The following ARHGEF3 variants were observed in gnomAD, a reference collection of about 807,000 sequenced individuals.
ARHGEF3 encodes the protein Rho guanine nucleotide exchange factor 3.
ARHGEF3 carries 28 observed loss-of-function variants against 63.2 expected under a neutral mutation model. The ratio of observed to expected loss-of-function variants is 0.44; its 90% CI spans 0.33 to 0.61. The LOEUF (loss-of-function observed/expected upper bound fraction) is 0.61. Among genes scored for constraint, ARHGEF3 ranks in the 20% least tolerant of loss-of-function variants. ARHGEF3 has a pLI of 0.03. For missense variants in ARHGEF3, 533 were observed against 659.3 expected (o/e 0.81, Z 2.10); for synonymous variants, 266 against 254.2 (o/e 1.05, Z -0.44).
Position 56,969,426 on chromosome 3 carries a change from C to A in ARHGEF3, c.63-10537G>T, listed in dbSNP as rs147729839. Among the ~76,000 whole-genome samples the A allele has an allele frequency of 2.7e-3, 412 of 152,146 alleles. 2 individuals carry two copies. Among genetic ancestry groups the A allele is most frequent in the African/African-American group, 9.6e-3 (399 of 41,498 alleles). ...AATTTTTCATATATTCAGGACATAG[C>A]ATGTAGCAATGTGTCTGGCACATGG... On this transcript the variant is annotated intron_variant, in intron 2 of 12. Coordinates refer to the ARHGEF3 transcript ENST00000338458.
chr3:56,955,288 T>TG (rs1469975312), intron 3 of ARHGEF3, among the ~76,000 whole-genome samples: 1 of 151,908 alleles, frequency 6.6e-6, no homozygotes, highest in African/African-American at 2.4e-5. Context: ...CTTAAACTCC[T>TG]GGGCTCAAGT....
chr3:56,868,020 T>C (rs1441568660), intron 4 of ARHGEF3, among the ~76,000 whole-genome samples: 1 of 152,142 alleles, frequency 6.6e-6, no homozygotes, highest in Non-Finnish European at 1.5e-5. Flanking sequence ...AGCAAAGGCA[T>C]TTTGTTAAAT....
chr3:57,011,936 G>A (rs372428665), intron 2 of ARHGEF3, among the ~76,000 whole-genome samples: 84 of 152,270 alleles, frequency 5.5e-4, no homozygotes, highest in African/African-American at 1.9e-3. Flanking sequence ...GGTCTGGTTA[G>A]GTGGAAGAAT....
intron 3 of ARHGEF3, among the ~76,000 whole-genome samples, chr3:56,889,178 C>T (rs542690200): frequency 2.6e-5 from 4 of 152,224 alleles, no homozygotes; most frequent in Admixed American, 1.3e-4. Context: ...GGTTGGCTAC[C>T]TTCTGATATC....
At chr3:57,052,759 C>T (rs1704729057) in intron 1 of ARHGEF3, among the ~76,000 whole-genome samples, 1 of 152,206 alleles carries the variant, frequency 6.6e-6, no homozygotes, top group Non-Finnish European at 1.5e-5. Flanking sequence ...CCCAAGGCAG[C>T]CAGCACACAG....
chr3:56,899,053 A>C (rs529051571), intron 3 of ARHGEF3, among the ~76,000 whole-genome samples: 2 of 152,304 alleles, frequency 1.3e-5, no homozygotes, highest in African/African-American at 4.8e-5. Context: ...ACTCCGTCCC[A>C]AAAACAAAAA....
intron 2 of ARHGEF3, among the ~76,000 whole-genome samples, chr3:56,756,105 C>A (rs767618908): frequency 3.3e-5 from 5 of 152,212 alleles, no homozygotes; most frequent in Admixed American, 6.5e-5. Flanking sequence ...AAAGAGGCCG[C>A]AGAAGTCCAC....
intron 4 of ARHGEF3, among the ~76,000 whole-genome samples, chr3:56,840,455 T>C (rs2039274057): frequency 6.6e-6 from 1 of 152,226 alleles, no homozygotes; most frequent in Admixed American, 6.5e-5. Flanking sequence ...TATGCTCCCA[T>C]AAAATGTCTG....
Position 57,006,945 on chromosome 3 carries a change from C to T in ARHGEF3, c.62+28143G>A, listed in dbSNP as rs573504375. On this transcript the variant is annotated intron_variant, in intron 2 of 12. Coordinates refer to the ARHGEF3 transcript ENST00000338458. ...GATCTTTAAGCCCAAAACTCCTGAC[C>T]CAACATCCAAGTGATATTCCACTGA... Among the ~76,000 whole-genome samples, 127 of 152,240 alleles carry T rather than the reference C, an allele frequency of 8.3e-4. No individual in the cohort carries two copies. The Middle Eastern group carries it at 0.01, about 12-fold the overall frequency.
chr3:56,867,761 G>A (rs1316195817), intron 4 of ARHGEF3, among the ~76,000 whole-genome samples: 3 of 152,156 alleles, frequency 2.0e-5, no homozygotes, highest in South Asian at 2.1e-4. Context: ...GTAAGCTACC[G>A]CGCCTGGCCT....
intron 8 of ARHGEF3, among the ~76,000 whole-genome samples, chr3:56,734,885 G>A (rs755802592): frequency 7.2e-5 from 11 of 152,092 alleles, no homozygotes; most frequent in Admixed American, 5.2e-4. Context: ...TTCTTTTGGG[G>A]GCTGTTTTAA....
chr3:56,971,919 C>G (rs1252924022), intron 2 of ARHGEF3, among the ~76,000 whole-genome samples: 1 of 151,536 alleles, frequency 6.6e-6, no homozygotes, highest in East Asian at 1.9e-4. Context: ...ACTAACCCCA[C>G]CTGGTGTGGT....
chr3:56,798,446 G>T (rs960666653), intron 1 of ARHGEF3, among the ~76,000 whole-genome samples: 2 of 151,568 alleles, frequency 1.3e-5, no homozygotes, highest in Non-Finnish European at 2.9e-5. Context: ...AAATGAACTG[G>T]ACCTAAAACT....
intron 4 of ARHGEF3, among the ~76,000 whole-genome samples, chr3:56,876,789 C>G (rs1002913976): frequency 6.6e-6 from 1 of 152,200 alleles, no homozygotes; most frequent in African/African-American, 2.4e-5. Flanking sequence ...AAAAGATGCC[C>G]CACCACCAGC....
intron 4 of ARHGEF3, among the ~76,000 whole-genome samples, chr3:56,866,351 G>A (rs968077007): frequency 6.6e-6 from 1 of 152,126 alleles, no homozygotes; most frequent in Non-Finnish European, 1.5e-5. Flanking sequence ...AGTAAAACAA[G>A]CTAAACACAC....
chr3:56,770,420 T>C (rs970964554), intron 2 of ARHGEF3, among the ~76,000 whole-genome samples: 2 of 144,214 alleles, frequency 1.4e-5, no homozygotes, highest in South Asian at 4.9e-4. Flanking sequence ...GAAAATTAAA[T>C]TAAATTAAAT....
chr3:56,777,970 G>A (rs887235032), intron 1 of ARHGEF3, among the ~76,000 whole-genome samples: 1 of 152,172 alleles, frequency 6.6e-6, no homozygotes, highest in Admixed American at 6.5e-5. Context: ...CAAATGTTTG[G>A]AAATTCCAGG....
At chr3:56,916,877 T>C (rs2042004631) in intron 3 of ARHGEF3, among the ~76,000 whole-genome samples, 1 of 152,106 alleles carries the variant, frequency 6.6e-6, no homozygotes, top group South Asian at 2.1e-4. Context: ...CCACACTGAG[T>C]CGCGGTTCAA....
At chr3:56,925,764 C>A (rs531507946) in intron 3 of ARHGEF3, among the ~76,000 whole-genome samples, 11 of 152,304 alleles carry the variant, frequency 7.2e-5, no homozygotes, top group African/African-American at 2.6e-4. Context: ...CAGGTTCTTA[C>A]CACAATACTC....
Sources: gnomAD v4.1 joint callset for allele counts (sites outside exome capture counted in the v4.1 genomes callset) on GRCh38, gnomAD v4.1.1 for gene constraint, MANE v1.5 for transcripts, NCBI Gene and HGNC (gene_info 2026-07-23, HGNC 2026-07-21) for gene names.